CCDC171: variants seen among roughly 807,000 people sequenced by gnomAD.
The protein encoded by CCDC171 is coiled-coil domain-containing protein 171.
A neutral mutation model predicts 168.2 loss-of-function variants in CCDC171; 177 were observed. That is an observed-to-expected ratio of 1.05 (90% confidence interval 0.93 to 1.19). The LOEUF (loss-of-function observed/expected upper bound fraction) is 1.19. Ranked by LOEUF, CCDC171 falls within the 50% of genes most tolerant of loss-of-function variation. The probability of loss-of-function intolerance (pLI) is 0.00; values close to 1 mark genes in which losing one functional copy is unlikely to be tolerated. For synonymous variants in CCDC171, 687 were observed against 540.8 expected (o/e 1.27, Z -3.75); for missense variants, 1,991 against 1,539.0 (o/e 1.29, Z -4.91).
intron 17 of CCDC171, among the ~76,000 whole-genome samples, chr9:15,745,285 T>C (rs545833383): frequency 9.2e-5 from 14 of 152,336 alleles, no homozygotes; most frequent in Non-Finnish European, 1.5e-4. Flanking sequence ...TATTAAGTAA[T>C]ATAAGTAAAA....
rs550671811 is a variant in CCDC171 at position 15,680,146 on chromosome 9, A to C, written c.1215+1250A>C. Among the ~76,000 whole-genome samples, 4 of 152,204 alleles carry C rather than the reference A, an allele frequency of 2.6e-5. No individual in the cohort carries two copies. In the East Asian group the frequency reaches 7.7e-4, roughly 29 times the overall value. On this transcript the variant is annotated intron_variant, in intron 10 of 25. Transcript: ENST00000380701. ...ATGTCTCCCAAGAGGATATGAATGC[A>C]TTGAGGTTAACTTACTTCATTTTAC...
chr9:15,938,054 G>C (rs773239504), intron 25 of CCDC171, among the ~76,000 whole-genome samples: 27 of 151,846 alleles, frequency 1.8e-4, no homozygotes, highest in Non-Finnish European at 3.4e-4. Context: ...ACACCTGATT[G>C]CCAGATACTG....
intron 21 of CCDC171, among the ~76,000 whole-genome samples, chr9:15,792,787 A>C (rs2058335109): frequency 6.6e-6 from 1 of 152,208 alleles, no homozygotes; most frequent in Non-Finnish European, 1.5e-5. Context: ...AGATTTTGTC[A>C]CCACTAGGCC....
At chr9:15,962,367 C>T (rs1251279190) in intron 25 of CCDC171, among the ~76,000 whole-genome samples, 1 of 152,042 alleles carries the variant, frequency 6.6e-6, no homozygotes, top group Non-Finnish European at 1.5e-5. Flanking sequence ...GAGAGTATTT[C>T]TAATTTTTGT....
At chr9:15,604,640 G>T (rs984243697) in intron 6 of CCDC171, among the ~76,000 whole-genome samples, 1 of 152,118 alleles carries the variant, frequency 6.6e-6, no homozygotes, top group African/African-American at 2.4e-5. Flanking sequence ...TATAGAAAGA[G>T]GAGGAAGAGT....
intron 7 of CCDC171, among the ~76,000 whole-genome samples, chr9:15,627,529 A>G (rs745630296): frequency 1.8e-4 from 28 of 152,110 alleles, no homozygotes; most frequent in Admixed American, 8.5e-4. Context: ...CTTTGTTCTC[A>G]TTGGTTTCAA....
At chr9:15,602,917 C>G (rs1292449363) in intron 6 of CCDC171, among the ~76,000 whole-genome samples, 1 of 152,098 alleles carries the variant, frequency 6.6e-6, no homozygotes, top group Non-Finnish European at 1.5e-5. Flanking sequence ...CTCGGCCTCC[C>G]AAAGTGCTGA....
At chr9:15,933,678 G>A (rs982254984) in intron 25 of CCDC171, among the ~76,000 whole-genome samples, 17 of 151,768 alleles carry the variant, frequency 1.1e-4, no homozygotes, top group African/African-American at 1.5e-4. Context: ...ATTTTGGTAC[G>A]ATATGTTTCC....
chr9:15,940,207 A>G (rs541704889), intron 25 of CCDC171, among the ~76,000 whole-genome samples: 148 of 152,068 alleles, frequency 9.7e-4, no homozygotes, highest in Non-Finnish European at 1.9e-3. Flanking sequence ...TTTACAGTCT[A>G]TATTTTGTAT....
intron 3 of CCDC171, among the ~76,000 whole-genome samples, chr9:16,012,878 G>A (rs1396875246): frequency 1.3e-5 from 2 of 152,108 alleles, no homozygotes; most frequent in African/African-American, 2.4e-5. Context: ...CAGGCAGAGA[G>A]CCCACCAGCA....
chr9:15,615,214 A>G (rs1231370795), intron 6 of CCDC171, among the ~76,000 whole-genome samples: 3 of 152,192 alleles, frequency 2.0e-5, no homozygotes, highest in African/African-American at 7.2e-5. Context: ...TTAACATTAG[A>G]AAATCAATCA....
chr9:16,107,285 G>A, the CCDC171 span, among the ~76,000 whole-genome samples: 1 of 152,086 alleles, frequency 6.6e-6, no homozygotes. Context: ...GAGTAGCTGG[G>A]ACCACAGGCA....
chr9:15,669,093 C>T (rs1226925765), intron 9 of CCDC171, among the ~76,000 whole-genome samples: 5 of 152,178 alleles, frequency 3.3e-5, no homozygotes, highest in East Asian at 1.9e-4. Flanking sequence ...AGGCAGACCT[C>T]GGCAGGATCT....
chr9:15,893,071 C>G (rs1820433841), intron 24 of CCDC171, among the ~76,000 whole-genome samples: 1 of 152,134 alleles, frequency 6.6e-6, no homozygotes, highest in South Asian at 2.1e-4. Flanking sequence ...CAGCACGGTA[C>G]TTGTATAAGC....
At position 15,779,115 on chromosome 9, in the gene CCDC171, G is replaced by A. The variant is rs1462472073; in HGVS notation, c.3046G>A (p.Gly1016Ser). ...GAAAAAGGAGCTTGACAAAGCCCAG[G>A]GTCTGCAAATGCAATTAAATGAATT... ...EMKKELDKAQ[G>S]LQMQLNEFKQ... Residue 1016 changes from glycine to serine, a missense_variant, in exon 20 of 26, where the codon GGT becomes AGT. Transcript: ENST00000380701. 1.3e-6 allele frequency: 2 copies of A among 1,588,476 alleles called. No homozygotes were observed.
At chr9:15,788,149 TG>T (rs1487922416) in intron 21 of CCDC171, among the ~76,000 whole-genome samples, 6 of 152,172 alleles carry the variant, frequency 3.9e-5, no homozygotes, top group Admixed American at 3.9e-4. Context: ...TGCTCTCTTG[TG>T]GGAGGCAACA....
chr9:15,725,417 T>C (rs76923760), intron 14 of CCDC171, among the ~76,000 whole-genome samples: 1,553 of 152,280 alleles, frequency 0.01, 32 homozygotes, highest in African/African-American at 0.036. Flanking sequence ...ACAAGCTATA[T>C]AGCTTAGCCT....
the CCDC171 span, among the ~76,000 whole-genome samples, chr9:16,092,369 C>T: frequency 6.6e-6 from 1 of 152,192 alleles, no homozygotes; most frequent in Non-Finnish European, 1.5e-5. Context: ...GGGTGGCCCC[C>T]TCAGGCACCT....
At chr9:15,574,497 G>A (rs276452) in intron 3 of CCDC171, among the ~76,000 whole-genome samples, 9 of 151,580 alleles carry the variant, frequency 5.9e-5, no homozygotes, top group African/African-American at 2.2e-4. Context: ...CAGGCTGGTC[G>A]CGAACTCCTG....
Sources: gnomAD v4.1 joint callset for allele counts (sites outside exome capture counted in the v4.1 genomes callset) on GRCh38, gnomAD v4.1.1 for gene constraint, MANE v1.5 for transcripts, NCBI Gene and HGNC (gene_info 2026-07-23, HGNC 2026-07-21) for gene names.